PKIG: variants seen among roughly 807,000 people sequenced by gnomAD.
PKIG encodes the protein protein kinase (cAMP-dependent, catalytic) inhibitor gamma.
In PKIG, 1 loss-of-function variant was observed where a neutral mutation model predicts 6.8. The observed-to-expected ratio is 0.15, with a 90% CI of 0.05 to 0.69. PKIG has a LOEUF of 0.69. Ranked by LOEUF, PKIG falls within the 30% of genes least tolerant of loss-of-function variation. The probability of loss-of-function intolerance (pLI) is 0.82; values close to 1 mark genes in which losing one functional copy is unlikely to be tolerated. For missense variants in PKIG, 77 were observed against 104.0 expected (o/e 0.74, Z 1.13); for synonymous variants, 39 against 43.0 (o/e 0.91, Z 0.36).
At chr20:44,562,628 TAAAA>T (rs893942799) in intron 1 of PKIG, among the ~76,000 whole-genome samples, 2 of 143,112 alleles carry the variant, frequency 1.4e-5, no homozygotes, top group African/African-American at 5.2e-5. Flanking sequence ...AAAGAGTGCT[TAAAA>T]AAAAAGAGTG....
chr20:44,583,005 C>T (rs759585737), intron 1 of PKIG, among the ~76,000 whole-genome samples: 2 of 152,210 alleles, frequency 1.3e-5, no homozygotes, highest in African/African-American at 4.8e-5. Flanking sequence ...GCTTTAAAAG[C>T]AGCTCCTTGC....
chr20:44,609,921 T>C (rs1392698126), intron 2 of PKIG, among the ~76,000 whole-genome samples: 2 of 152,258 alleles, frequency 1.3e-5, no homozygotes, highest in Non-Finnish European at 2.9e-5. Context: ...TGGGCCATGG[T>C]ACCTTTCCTT....
chr20:44,532,181 T>C (rs1600828451), intron 1 of PKIG, among the ~76,000 whole-genome samples: 1 of 152,174 alleles, frequency 6.6e-6, no homozygotes, highest in Non-Finnish European at 1.5e-5. Flanking sequence ...TTTTCGGCTG[T>C]TTATTATATT....
At chr20:44,544,033 C>T (rs1278640858) in intron 1 of PKIG, among the ~76,000 whole-genome samples, 33 of 149,736 alleles carry the variant, frequency 2.2e-4, no homozygotes, top group South Asian at 8.5e-4. Context: ...CACTGCACTC[C>T]GACCTGGGCA....
chr20:44,582,540 G>C (rs558207892), upstream of PKIG: 1 of 152,458 alleles, frequency 6.6e-6, no homozygotes, highest in African/African-American at 2.4e-5. Flanking sequence ...CTTGGCCCGA[G>C]ACATGGGAAA....
intron 3 of PKIG, among the ~76,000 whole-genome samples, chr20:44,615,290 TC>T (rs759026126): frequency 6.6e-5 from 10 of 152,210 alleles, no homozygotes; most frequent in Non-Finnish European, 1.0e-4. Flanking sequence ...TTGGTCTGTT[TC>T]TCAGTCAAGC....
chr20:44,534,942 T>C (rs995504324), intron 1 of PKIG, among the ~76,000 whole-genome samples: 5 of 152,160 alleles, frequency 3.3e-5, no homozygotes, highest in African/African-American at 1.2e-4. Context: ...AACCACTACC[T>C]GGATGATATA....
At chr20:44,596,506 A>G (rs1555838956) in intron 2 of PKIG, among the ~76,000 whole-genome samples, 1 of 152,234 alleles carries the variant, frequency 6.6e-6, no homozygotes, top group Non-Finnish European at 1.5e-5. Context: ...GGCCAGAGGT[A>G]CGGATGACAT....
chr20:44,535,379 G>A (rs1424689346), intron 1 of PKIG, among the ~76,000 whole-genome samples: 1 of 152,178 alleles, frequency 6.6e-6, no homozygotes, highest in Non-Finnish European at 1.5e-5. Context: ...GGTGGCTTAC[G>A]CCTGTAATCC....
intron 2 of PKIG, among the ~76,000 whole-genome samples, chr20:44,595,790 G>A (rs1267229072): frequency 6.6e-6 from 1 of 152,050 alleles, no homozygotes; most frequent in Non-Finnish European, 1.5e-5. Flanking sequence ...GGGATTACAG[G>A]TGTGAACCAC....
rs115261146 is a variant in PKIG at position 44,561,542 on chromosome 20, A to T, written c.-240-21043A>T. ...GAATAAACCTTCAAGAGATTTAAAAAATGTAAAATATAGAAAAGATGATTA... is the reference window on the plus strand; with the variant it reads ...GAATAAACCTTCAAGAGATTTAAAATATGTAAAATATAGAAAAGATGATTA... On this transcript the variant is annotated intron_variant, in intron 1 of 4. Coordinates refer to the PKIG transcript ENST00000372887. Among the ~76,000 whole-genome samples, 231 of 152,382 alleles carry T rather than the reference A, an allele frequency of 1.5e-3. 1 individual carries two copies. Among genetic ancestry groups the T allele is most frequent in the African/African-American group, 5.2e-3 (217 of 41,600 alleles).
At chr20:44,618,170 CT>C (rs1169182354) in intron 3 of PKIG, 114 bp from the exon 4 acceptor site, 1 of 746,256 alleles carries the variant, frequency 1.3e-6, no homozygotes. Flanking sequence ...TCCAGCTCGT[CT>C]TGCTCCCCAG....
chr20:44,591,757 C>T (rs1348792508), intron 2 of PKIG, among the ~76,000 whole-genome samples: 1 of 152,194 alleles, frequency 6.6e-6, no homozygotes, highest in Non-Finnish European at 1.5e-5. Flanking sequence ...CATGAGATAT[C>T]ATCATGATAT....
chr20:44,576,307 C>G (rs2064897703), intron 1 of PKIG, among the ~76,000 whole-genome samples: 2 of 151,920 alleles, frequency 1.3e-5, no homozygotes, highest in African/African-American at 2.4e-5. Flanking sequence ...CTTTGTGGAG[C>G]TTACAGTCTG....
chr20:44,562,611 AAAAAAAAAAGAGTGCTT>A (rs1195090473), intron 1 of PKIG, among the ~76,000 whole-genome samples: 1 of 151,874 alleles, frequency 6.6e-6, no homozygotes, highest in East Asian at 1.9e-4. Context: ...CAAAAAAAAA[AAAAAAAAAAGAGTGCTT>A]AAAAAAAAAG....
intron 1 of PKIG, among the ~76,000 whole-genome samples, chr20:44,545,191 C>A (rs1477022291): frequency 1.3e-5 from 2 of 152,090 alleles, no homozygotes; most frequent in Non-Finnish European, 1.5e-5. Context: ...CCACCTTGGC[C>A]TCCCAAAGTG....
chr20:44,601,372 T>C (rs528201790), intron 2 of PKIG, among the ~76,000 whole-genome samples: 138 of 152,358 alleles, frequency 9.1e-4, no homozygotes, highest in Non-Finnish European at 1.5e-3. Context: ...GGCTCCTCTC[T>C]GGTGACCTTG....
intron 2 of PKIG, among the ~76,000 whole-genome samples, chr20:44,605,094 C>G (rs992169373): frequency 2.6e-5 from 4 of 152,100 alleles, no homozygotes; most frequent in Non-Finnish European, 5.9e-5. Flanking sequence ...GTAGACAGAT[C>G]AGCTGGAGAG....
At chr20:44,553,689 A>G (rs1219976958) in intron 1 of PKIG, among the ~76,000 whole-genome samples, 1 of 152,182 alleles carries the variant, frequency 6.6e-6, no homozygotes, top group African/African-American at 2.4e-5. Context: ...GCCTGCTGTC[A>G]TGGACCTTAT....
Sources: allele counts gnomAD v4.1 joint callset (sites outside exome capture counted in the v4.1 genomes callset), GRCh38; gene constraint gnomAD v4.1.1; transcripts MANE v1.5; gene names NCBI Gene and HGNC (gene_info 2026-07-23, HGNC 2026-07-21).